Variants in NAV3 observed in about 807,000 individuals in gnomAD.
NAV3 encodes the protein pore membrane and/or filament interacting like protein 1.
NAV3 carries 87 observed loss-of-function variants against 244.7 expected under a neutral mutation model. The observed-to-expected ratio is 0.36, with a 90% CI of 0.30 to 0.42. NAV3 has a LOEUF of 0.42. NAV3 is among the 20% of genes least tolerant of loss of function. The pLI is 1.00. For synonymous variants in NAV3, 1,126 were observed against 1,042.2 expected (o/e 1.08, Z -1.55); for missense variants, 2,663 against 2,893.3 (o/e 0.92, Z 1.83).
At chr12:77,857,182 C>G (rs1478094463) in intron 1 of NAV3, among the ~76,000 whole-genome samples, 1 of 152,042 alleles carries the variant, frequency 6.6e-6, no homozygotes, top group Non-Finnish European at 1.5e-5. Context: ...AGGGAGTACA[C>G]TTGAATATGT....
chr12:77,828,771 T>C (rs923997891), upstream of NAV3, among the ~76,000 whole-genome samples: 1 of 152,208 alleles, frequency 6.6e-6, no homozygotes, highest in Admixed American at 6.5e-5. Flanking sequence ...TATTGCCTAA[T>C]ATGCAAAAGG....
chr12:78,002,220 T>C (rs1325503066), intron 7 of NAV3, among the ~76,000 whole-genome samples: 1 of 152,218 alleles, frequency 6.6e-6, no homozygotes, highest in African/African-American at 2.4e-5. Flanking sequence ...TTATGATCTA[T>C]AAACATGCAT....
intron 2 of NAV3, among the ~76,000 whole-genome samples, chr12:77,692,307 G>A (rs934605542): frequency 3.3e-5 from 5 of 151,948 alleles, no homozygotes; most frequent in Non-Finnish European, 7.4e-5. Flanking sequence ...CTATACAAGA[G>A]TTTATTTTAT....
intron 12 of NAV3, among the ~76,000 whole-genome samples, chr12:78,081,771 C>T (rs950265254): frequency 6.6e-6 from 1 of 152,134 alleles, no homozygotes; most frequent in East Asian, 1.9e-4. Context: ...CAGTGCTGAG[C>T]CTTCCACACT....
At chr12:78,156,386 A>G (rs1957306614) in intron 22 of NAV3, among the ~76,000 whole-genome samples, 1 of 152,146 alleles carries the variant, frequency 6.6e-6, no homozygotes, top group Non-Finnish European at 1.5e-5. Flanking sequence ...GTAACCAGTT[A>G]TAAGTTTTTT....
chr12:77,621,162 T>C (rs1871354463), intron 2 of NAV3, among the ~76,000 whole-genome samples: 1 of 152,250 alleles, frequency 6.6e-6, no homozygotes, highest in Non-Finnish European at 1.5e-5. Context: ...GTTTATCTTC[T>C]ACAGGTTTAC....
chr12:77,945,419 A>G (rs1251634125), intron 3 of NAV3, among the ~76,000 whole-genome samples: 1 of 152,192 alleles, frequency 6.6e-6, no homozygotes, highest in Non-Finnish European at 1.5e-5. Context: ...ACATATTTGT[A>G]TAAACACAAA....
intron 39 of NAV3, among the ~76,000 whole-genome samples, chr12:78,206,882 G>A (rs1960385217): frequency 2.2e-5 from 2 of 90,726 alleles, no homozygotes; most frequent in Admixed American, 3.0e-4. Flanking sequence ...TTTTGAGACA[G>A]AGTTTCATTC....
intron 1 of NAV3, among the ~76,000 whole-genome samples, chr12:77,866,952 A>G (rs1764370302): frequency 6.6e-6 from 1 of 152,238 alleles, no homozygotes; most frequent in African/African-American, 2.4e-5. Flanking sequence ...ATTAGAATGA[A>G]CTGTGAAAGG....
chr12:78,135,547 C>G (rs1214296749), intron 18 of NAV3, among the ~76,000 whole-genome samples: 1 of 152,152 alleles, frequency 6.6e-6, no homozygotes, highest in Non-Finnish European at 1.5e-5. Flanking sequence ...AAATATCCTC[C>G]TAACCCTATA....
intron 7 of NAV3, among the ~76,000 whole-genome samples, chr12:78,004,043 G>A (rs1392622754): frequency 6.6e-6 from 1 of 152,218 alleles, no homozygotes; most frequent in Non-Finnish European, 1.5e-5. Flanking sequence ...CAGTAAACAT[G>A]TGGAAAGAAG....
intron 12 of NAV3, among the ~76,000 whole-genome samples, chr12:78,109,103 A>C (rs1480644636): frequency 6.6e-6 from 1 of 152,030 alleles, no homozygotes; most frequent in Non-Finnish European, 1.5e-5. Context: ...AACACAATCA[A>C]AAACGATAAA....
chr12:78,204,169 A>G (rs1159491783), intron 38 of NAV3, among the ~76,000 whole-genome samples: 1 of 151,384 alleles, frequency 6.6e-6, no homozygotes, highest in African/African-American at 2.4e-5. Flanking sequence ...ACACATGGAC[A>G]CAGGAAGGGG....
intron 2 of NAV3, among the ~76,000 whole-genome samples, chr12:77,811,274 A>G (rs930250711): frequency 1.3e-5 from 2 of 152,168 alleles, no homozygotes; most frequent in Non-Finnish European, 2.9e-5. Flanking sequence ...ATGATAATTT[A>G]CATAGTTTCT....
At chr12:77,737,330 G>C (rs993758024) in intron 2 of NAV3, among the ~76,000 whole-genome samples, 4 of 150,854 alleles carry the variant, frequency 2.7e-5, no homozygotes, top group Admixed American at 1.3e-4. Context: ...TAAAAAGGAG[G>C]GTGGCATGTA....
At chr12:78,200,653 TA>T in intron 38 of NAV3, 62 bp downstream of exon 38, 1 of 984,968 alleles carries the variant, frequency 1.0e-6, no homozygotes, top group South Asian at 2.2e-5. Flanking sequence ...AAAATTACTT[TA>T]AAAGCAAAAA....
At chr12:77,885,406 A>T (rs1305472455) in intron 1 of NAV3, among the ~76,000 whole-genome samples, 1 of 152,106 alleles carries the variant, frequency 6.6e-6, no homozygotes, top group African/African-American at 2.4e-5. Context: ...TTTTCAGAAA[A>T]AGATAACGAT....
chr12:77,762,276 C>T (rs1398496439), intron 2 of NAV3, among the ~76,000 whole-genome samples: 9 of 151,844 alleles, frequency 5.9e-5, no homozygotes, highest in Non-Finnish European at 1.2e-4. Context: ...CGGGGCCTGT[C>T]GGTGGGTGGG....
intron 2 of NAV3, among the ~76,000 whole-genome samples, chr12:77,818,416 A>T (rs1348474484): frequency 6.6e-6 from 1 of 152,162 alleles, no homozygotes; most frequent in East Asian, 1.9e-4. Flanking sequence ...GAAACAGGGA[A>T]ATTGTTTTTA....
Sources: gnomAD v4.1 joint callset for allele counts (sites outside exome capture counted in the v4.1 genomes callset) on GRCh38, gnomAD v4.1.1 for gene constraint, MANE v1.5 for transcripts, NCBI Gene and HGNC (gene_info 2026-07-23, HGNC 2026-07-21) for gene names.